Variants in SLC44A1 observed in about 807,000 individuals in gnomAD.
SLC44A1 encodes the protein solute carrier family 44 member 1, also known as choline transporter-like protein 1.
Under a neutral mutation model 79.3 loss-of-function variants are expected in SLC44A1, and 26 were observed. The ratio of observed to expected loss-of-function variants is 0.33; its 90% CI spans 0.24 to 0.46. SLC44A1 has a LOEUF of 0.46. Among genes scored for constraint, SLC44A1 ranks in the 20% least tolerant of loss-of-function variants. The pLI is 1.00. For synonymous variants in SLC44A1, 263 were observed against 286.2 expected (o/e 0.92, Z 0.82); for missense variants, 688 against 798.1 (o/e 0.86, Z 1.66).
At chr9:105,245,626 G>A (rs1455969915) in intron 1 of SLC44A1, among the ~76,000 whole-genome samples, 2 of 152,248 alleles carry the variant, frequency 1.3e-5, no homozygotes, top group Admixed American at 6.5e-5. Flanking sequence ...CCTGGTGGGT[G>A]ACGGGAGCGC....
At chr9:105,347,286 G>C (rs925203729) in intron 4 of SLC44A1, among the ~76,000 whole-genome samples, 7 of 151,922 alleles carry the variant, frequency 4.6e-5, no homozygotes, top group Non-Finnish European at 1.5e-5. Flanking sequence ...AAGCTATTCT[G>C]TTTATTTAAT....
chr9:105,245,387 A>G (rs989392368), intron 1 of SLC44A1, among the ~76,000 whole-genome samples: 3 of 152,068 alleles, frequency 2.0e-5, no homozygotes, highest in East Asian at 1.9e-4. Flanking sequence ...ACCGAATTCC[A>G]GTTTCTGCTT....
chr9:105,372,466 T>C (rs1393511476), intron 12 of SLC44A1, among the ~76,000 whole-genome samples: 3 of 151,832 alleles, frequency 2.0e-5, no homozygotes, highest in African/African-American at 7.3e-5. Context: ...TTTTTTGTAT[T>C]TTCAGTTGAG....
At chr9:105,309,507 G>A (rs1831119571) in intron 2 of SLC44A1, among the ~76,000 whole-genome samples, 2 of 152,042 alleles carry the variant, frequency 1.3e-5, no homozygotes, top group African/African-American at 2.4e-5. Flanking sequence ...GTAAAGGTTG[G>A]GATTTGTTTT....
In SLC44A1 at chr9:105,392,028, A is replaced by G. The variant is rs949409600; in HGVS notation, c.*2972A>G. The G allele has an allele frequency of 3.9e-5, 38 of 985,082 alleles. No individual in the cohort carries two copies. The highest frequency in any genetic ancestry group is 3.9e-5 in the Non-Finnish European group (32 of 829,790). 61.0% of individuals were successfully genotyped at this position (985,082 alleles called of 1,614,324 possible). ...CCTGAAGAATAAGGTCTTCCATAAT[A>G]TGGAAGAGAAAAGTTATATTTCAGT... On this transcript the variant is annotated 3_prime_UTR_variant, in exon 16 of 16. Coordinates refer to ENST00000374720, the MANE Select transcript of SLC44A1 (RefSeq NM_080546.5).
At chr9:105,436,051 G>T (rs1019566717) in intron 15 of SLC44A1, among the ~76,000 whole-genome samples, 1 of 152,042 alleles carries the variant, frequency 6.6e-6, no homozygotes, top group Non-Finnish European at 1.5e-5. Context: ...TACAAAAATT[G>T]GCCTGGCATG....
intron 13 of SLC44A1, among the ~76,000 whole-genome samples, chr9:105,375,690 G>A (rs1226869014): frequency 2.0e-5 from 3 of 152,192 alleles, no homozygotes; most frequent in East Asian, 1.9e-4. Context: ...GTTAGAGAAC[G>A]AGACTTATAC....
chr9:105,299,062 G>A (rs184845998), intron 1 of SLC44A1, among the ~76,000 whole-genome samples, 158 bp from the exon 2 acceptor site: 387 of 152,274 alleles, frequency 2.5e-3, no homozygotes, highest in African/African-American at 8.9e-3. Context: ...TAGCATAAAC[G>A]TCACAGAAAA....
chr9:105,261,934 C>T (rs1829851042), intron 1 of SLC44A1, among the ~76,000 whole-genome samples: 1 of 152,010 alleles, frequency 6.6e-6, no homozygotes, highest in Non-Finnish European at 1.5e-5. Context: ...CGCCCGCCAC[C>T]ATGCCCAGCT....
At chr9:105,374,241 AC>A (rs1828205750) in intron 12 of SLC44A1, among the ~76,000 whole-genome samples, 3 of 152,226 alleles carry the variant, frequency 2.0e-5, no homozygotes, top group Admixed American at 1.3e-4. Context: ...CTAAATGATT[AC>A]AGTGCACTGC....
intron 3 of SLC44A1, among the ~76,000 whole-genome samples, chr9:105,330,377 G>A (rs2131349330): frequency 6.6e-6 from 1 of 152,356 alleles, no homozygotes; most frequent in East Asian, 1.9e-4. Flanking sequence ...GAATTAGGAT[G>A]TTGTGAGGCT....
chr9:105,348,898 T>C (rs952805168), intron 5 of SLC44A1, among the ~76,000 whole-genome samples: 12 of 152,140 alleles, frequency 7.9e-5, no homozygotes, highest in Non-Finnish European at 1.5e-4. Flanking sequence ...CATAGTTTCT[T>C]TCAGGTTATA....
intron 3 of SLC44A1, among the ~76,000 whole-genome samples, chr9:105,310,651 C>T (rs191320790): frequency 1.3e-5 from 2 of 152,124 alleles, no homozygotes; most frequent in Non-Finnish European, 2.9e-5. Flanking sequence ...AAGCAGGTAT[C>T]ATTTTTAAGG....
chr9:105,318,545 A>G (rs1049644544), intron 3 of SLC44A1, among the ~76,000 whole-genome samples: 3 of 152,214 alleles, frequency 2.0e-5, no homozygotes, highest in Non-Finnish European at 2.9e-5. Context: ...TAAAGACGCT[A>G]ACTAAATTTT....
At chr9:105,348,218 A>G (rs895419280) in intron 4 of SLC44A1, 140 bp from the exon 5 acceptor site, 6 of 541,376 alleles carry the variant, frequency 1.1e-5, no homozygotes, top group Non-Finnish European at 2.0e-5. Flanking sequence ...TTGAGGACTT[A>G]TAATATGGAT....
intron 4 of SLC44A1, among the ~76,000 whole-genome samples, chr9:105,336,122 G>GTGTTTGTGCA (rs1826910724): frequency 1.4e-5 from 2 of 147,580 alleles, no homozygotes; most frequent in African/African-American, 5.4e-5. Context: ...ATACATATGT[G>GTGTTTGTGCA]TGTGTGTGTG....
At chr9:105,347,630 A>G (rs1827280736) in intron 4 of SLC44A1, among the ~76,000 whole-genome samples, 2 of 152,046 alleles carry the variant, frequency 1.3e-5, no homozygotes, top group Admixed American at 6.6e-5. Flanking sequence ...TTTTACATAT[A>G]TTAGATATGT....
In SLC44A1 at chr9:105,397,084, C is replaced by T; in HGVS notation, c.*8028C>T. 1.0e-6 allele frequency: 1 copy of T among 985,332 alleles called. No individual in the cohort carries two copies. Among genetic ancestry groups the T allele is most frequent in the Non-Finnish European group, 1.2e-6 (1 of 829,900 alleles). The allele number at this position is 985,332 out of a possible 1,614,324, so 61.0% of individuals were successfully genotyped here. A position where few individuals can be genotyped will look rare whatever the true frequency, so the allele number is the denominator to read the frequency against. On this transcript the variant is annotated 3_prime_UTR_variant, in exon 16 of 16. Transcript: ENST00000374720. Reference sequence around the variant, plus strand: ...ATTAACTTTCTGGAGTTGGAGTTATCAAATCTTGCTGGGAAATTAACTTCC... The same window carrying T: ...ATTAACTTTCTGGAGTTGGAGTTATTAAATCTTGCTGGGAAATTAACTTCC...
At chr9:105,361,142 A>G (rs1302886379) in intron 7 of SLC44A1, 49 bp from the exon 8 acceptor site, 2 of 1,579,634 alleles carry the variant, frequency 1.3e-6, no homozygotes, top group African/African-American at 2.7e-5. Context: ...TATGTTACAC[A>G]TTTTCTTATC....
Sources: allele counts gnomAD v4.1 joint callset (sites outside exome capture counted in the v4.1 genomes callset), GRCh38; gene constraint gnomAD v4.1.1; transcripts MANE v1.5; gene names NCBI Gene and HGNC (gene_info 2026-07-23, HGNC 2026-07-21).